CDH12: variants seen among roughly 807,000 people sequenced by gnomAD.
The protein encoded by CDH12 is cadherin-12.
In CDH12, 41 loss-of-function variants were observed where a neutral mutation model predicts 74.1. The ratio of observed to expected loss-of-function variants is 0.55; its 90% confidence interval spans 0.43 to 0.72. CDH12 has a LOEUF of 0.72. Ranked by LOEUF, CDH12 falls within the 30% of genes least tolerant of loss-of-function variation. CDH12 has a pLI of 0.00. For missense variants in CDH12, 945 were observed against 977.2 expected (o/e 0.97, Z 0.44); for synonymous variants, 399 against 355.0 (o/e 1.12, Z -1.39).
intron 2 of CDH12, among the ~76,000 whole-genome samples, chr5:22,475,972 A>T (rs1746152818): frequency 6.6e-6 from 1 of 152,054 alleles, no homozygotes; most frequent in African/African-American, 2.4e-5. Flanking sequence ...ACTGCCTTCC[A>T]TCTAAATGCT....
intron 6 of CDH12, among the ~76,000 whole-genome samples, chr5:21,891,572 T>TACACAC (rs66657734): frequency 0.1 from 14,530 of 144,964 alleles, 772 homozygotes; most frequent in East Asian, 0.18. Context: ...CACACACACA[T>TACACAC]ACACACACAC....
At chr5:22,387,814 T>A (rs1326740385) in intron 3 of CDH12, among the ~76,000 whole-genome samples, 2 of 152,154 alleles carry the variant, frequency 1.3e-5, no homozygotes. Flanking sequence ...TAAAGGGAAA[T>A]TTTTAAATGC....
chr5:21,923,823 T>C (rs1415549230), intron 6 of CDH12, among the ~76,000 whole-genome samples: 1 of 152,230 alleles, frequency 6.6e-6, no homozygotes, highest in Non-Finnish European at 1.5e-5. Context: ...CAGTCTTGGG[T>C]TGGACTTTAG....
chr5:22,431,215 C>CAAA (rs1744158663), intron 2 of CDH12, among the ~76,000 whole-genome samples: 2 of 152,086 alleles, frequency 1.3e-5, no homozygotes, highest in African/African-American at 4.8e-5. Flanking sequence ...ATATATTAAG[C>CAAA]CACTCAAATC....
chr5:22,407,300 C>T (rs1054379976), intron 2 of CDH12, among the ~76,000 whole-genome samples: 1 of 152,050 alleles, frequency 6.6e-6, no homozygotes, highest in African/African-American at 2.4e-5. Context: ...TCCTAAACTC[C>T]AGTTCTTTGT....
At chr5:22,735,558 G>A (rs779256525) in intron 1 of CDH12, among the ~76,000 whole-genome samples, 2 of 151,868 alleles carry the variant, frequency 1.3e-5, no homozygotes, top group Non-Finnish European at 2.9e-5. Context: ...CATCTTTCAA[G>A]TTTTAGTTCC....
chr5:22,810,953 A>T (rs575801523), intron 1 of CDH12, among the ~76,000 whole-genome samples: 1 of 148,776 alleles, frequency 6.7e-6, no homozygotes, highest in Non-Finnish European at 1.5e-5. Flanking sequence ...ACTTACATAT[A>T]TACATATATA....
chr5:22,027,029 G>A (rs964713833), intron 5 of CDH12, among the ~76,000 whole-genome samples: 34 of 152,116 alleles, frequency 2.2e-4, no homozygotes, highest in African/African-American at 9.7e-5. Context: ...CATGAAGGTC[G>A]TTGAATTTTG....
At chr5:21,915,025 G>A (rs534880768) in intron 6 of CDH12, among the ~76,000 whole-genome samples, 176 of 152,314 alleles carry the variant, frequency 1.2e-3, no homozygotes, top group African/African-American at 3.7e-3. Context: ...AGCCAGTGTA[G>A]AGAGAATGAA....
chr5:22,589,507 T>C (rs1372807618), intron 1 of CDH12, among the ~76,000 whole-genome samples: 1 of 152,216 alleles, frequency 6.6e-6, no homozygotes, highest in Non-Finnish European at 1.5e-5. Context: ...TATGTCCATG[T>C]CATTTCATGA....
At chr5:22,661,279 C>A (rs1442837228) in intron 1 of CDH12, among the ~76,000 whole-genome samples, 1 of 152,168 alleles carries the variant, frequency 6.6e-6, no homozygotes, top group African/African-American at 2.4e-5. Context: ...ATTAGCTTCT[C>A]TCTTGTTTGT....
At chr5:22,021,049 T>C (rs1336591295) in intron 5 of CDH12, among the ~76,000 whole-genome samples, 5 of 152,192 alleles carry the variant, frequency 3.3e-5, no homozygotes, top group African/African-American at 1.2e-4. Context: ...AGAAGTGTTT[T>C]GAATTTTTCA....
In CDH12 at chr5:21,817,117, T is replaced by C. The variant is rs543329996; in HGVS notation, c.830A>G (p.Lys277Arg). Residue 277 changes from lysine (K) to arginine (R), a missense_variant, in exon 9 of 15, where the codon AAA (lysine) becomes AGA (arginine). By Grantham distance (26) the Lys-to-Arg change is conservative. Coordinates refer to ENST00000382254, the MANE Select transcript of CDH12 (RefSeq NM_004061.5). ...ACCAATAGGGGAAGACTCAGGAACT[T>C]TCAAGTGGAAGATGCCTGATAAGAC... ...PRFPKSIFHL[K>R]VPESSPIGSA... 6 of 1,609,340 alleles carry C rather than the reference T, an allele frequency of 3.7e-6. No homozygotes were observed. In the East Asian group the frequency reaches 9.0e-5, roughly 24 times the overall value.
At chr5:22,604,963 C>T (rs764963135) in intron 1 of CDH12, among the ~76,000 whole-genome samples, 1 of 152,212 alleles carries the variant, frequency 6.6e-6, no homozygotes, top group Non-Finnish European at 1.5e-5. Flanking sequence ...TGAGACTTCC[C>T]TCTCTCTTCT....
At chr5:21,905,685 T>A (rs1285749244) in intron 6 of CDH12, among the ~76,000 whole-genome samples, 2 of 152,180 alleles carry the variant, frequency 1.3e-5, no homozygotes, top group Admixed American at 6.6e-5. Flanking sequence ...GATATCGCAA[T>A]TGTCTCATTC....
At chr5:22,217,126 T>C (rs1207111631) in intron 3 of CDH12, among the ~76,000 whole-genome samples, 1 of 151,826 alleles carries the variant, frequency 6.6e-6, no homozygotes, top group African/African-American at 2.4e-5. Context: ...GTTGATTTCA[T>C]AGTTCGAGTA....
chr5:22,069,756 G>A (rs897299532), intron 5 of CDH12, among the ~76,000 whole-genome samples: 3 of 152,116 alleles, frequency 2.0e-5, no homozygotes, highest in Non-Finnish European at 4.4e-5. Flanking sequence ...CCCCACAATG[G>A]ATGCAAGGAA....
At chr5:22,165,085 C>T (rs936402459) in intron 4 of CDH12, among the ~76,000 whole-genome samples, 1 of 151,006 alleles carries the variant, frequency 6.6e-6, no homozygotes, top group Admixed American at 6.6e-5. Context: ...TCACTTTGGC[C>T]CCGACATTCT....
rs188491512 is a variant in CDH12, at chr5:22,018,752, C to A, written c.232-43367G>T. ...AAAATGTGATGTACTAATGACTAGT[C>A]CTATTGGTAGTGAACAGGTGTTACG... On this transcript the variant is annotated intron_variant, in intron 5 of 14. Coordinates refer to ENST00000382254, the MANE Select transcript of CDH12 (RefSeq NM_004061.5). Among the ~76,000 whole-genome samples the A allele has an allele frequency of 1.8e-3, 268 of 152,192 alleles. 2 individuals carry two copies. Among genetic ancestry groups the A allele is most frequent in the African/African-American group, 6.3e-3 (263 of 41,534 alleles).
Sources: gnomAD v4.1 joint callset for allele counts (sites outside exome capture counted in the v4.1 genomes callset) on GRCh38, gnomAD v4.1.1 for gene constraint, MANE v1.5 for transcripts, NCBI Gene and HGNC (gene_info 2026-07-23, HGNC 2026-07-21) for gene names.